The following KCNJ15 variants were observed in gnomAD, a reference collection of about 807,000 sequenced individuals.
The protein encoded by KCNJ15 is ATP-sensitive inward rectifier potassium channel 15.
In KCNJ15, 14 loss-of-function variants were observed where a neutral mutation model predicts 23.0. The observed-to-expected ratio is 0.61, with a 90% CI of 0.40 to 0.95. The LOEUF is 0.95. Ranked by LOEUF, KCNJ15 falls within the 40% of genes least tolerant of loss-of-function variation. The pLI, the probability that KCNJ15 is intolerant of heterozygous loss-of-function variation, is 0.00. For missense variants in KCNJ15, 388 were observed against 461.8 expected, an observed-to-expected ratio of 0.84 and a Z score of 1.46; for synonymous variants, 185 against 183.2, an observed-to-expected ratio of 1.01 and a Z score of -0.08.
rs1185482872 is a variant in KCNJ15, at chr21:38,302,710, A to T, written c.*2321A>T. Reference sequence around the variant, plus strand: ...TTTCACAGTATTCATATCAATGCTAATTTGAATGTGATGCCAATTAAAAAT... The same window carrying T: ...TTTCACAGTATTCATATCAATGCTATTTTGAATGTGATGCCAATTAAAAAT... On this transcript the variant is annotated 3_prime_UTR_variant, in exon 3 of 3. Transcript: ENST00000398938. 2.0e-5 allele frequency: 3 copies of T among 152,184 alleles called. No individual in the cohort carries two copies. Among genetic ancestry groups the T allele is most frequent in the African/African-American group, 7.2e-5 (3 of 41,440 alleles). 9.4% of individuals were successfully genotyped at this position (152,184 alleles called of 1,614,324 possible). A position where few individuals can be genotyped will look rare whatever the true frequency, so the allele number is the denominator to read the frequency against.
At chr21:38,261,084 AG>A (rs1980838400) in intron 1 of KCNJ15, among the ~76,000 whole-genome samples, 1 of 139,944 alleles carries the variant, frequency 7.1e-6, no homozygotes, top group African/African-American at 2.7e-5. Context: ...GGAACACTGC[AG>A]GGGAGGAATG....
intron 1 of KCNJ15, among the ~76,000 whole-genome samples, chr21:38,274,362 T>A (rs1046817879): frequency 6.6e-6 from 1 of 152,192 alleles, no homozygotes; most frequent in Admixed American, 6.5e-5. Context: ...TTTAGTAAGA[T>A]CACACTTCTC....
Position 38,299,338 on chromosome 21 carries a change from G to A in KCNJ15, c.77G>A (p.Arg26Lys). Residue 26 changes from arginine (R) to lysine (K), a missense_variant, in exon 3 of 3, where the codon AGA (arginine) becomes AAA (lysine). By Grantham distance (26) the Arg-to-Lys change is conservative. Coordinates refer to ENST00000398938, the MANE Select transcript of KCNJ15 (RefSeq NM_170736.3). The surrounding 1 kb of genome is among the most constrained non-coding windows in gnomAD (Gnocchi z 4.5). ...HTAGAGLKAN[R>K]PRVMSKSGHS... ...GCTGGGGCTGGGCTCAAGGCCAACA[G>A]ACCCCGCGTCATGTCCAAGAGTGGG... 6.2e-7 allele frequency: 1 copy of A among 1,614,190 alleles called. No homozygotes were observed. The highest frequency in any genetic ancestry group is 8.5e-7 in the Non-Finnish European group (1 of 1,180,020).
chr21:38,248,150 A>G (rs995846256), intron 1 of KCNJ15, among the ~76,000 whole-genome samples: 5 of 152,230 alleles, frequency 3.3e-5, no homozygotes, highest in African/African-American at 7.2e-5. Context: ...GCAGCACAGA[A>G]ATTATATCTG....
chr21:38,267,621 C>A (rs1019136570), intron 1 of KCNJ15, among the ~76,000 whole-genome samples: 4 of 152,048 alleles, frequency 2.6e-5, no homozygotes, highest in Non-Finnish European at 4.4e-5. Flanking sequence ...ACTCATATAT[C>A]AGAGAAGAGG....
chr21:38,245,225 TG>T (rs1323522857), intron 1 of KCNJ15, among the ~76,000 whole-genome samples: 1 of 152,054 alleles, frequency 6.6e-6, no homozygotes, highest in Middle Eastern at 3.2e-3. Flanking sequence ...GTCCTCTCTG[TG>T]TGGCCATATG....
At chr21:38,281,014 G>C (rs149707589) in intron 1 of KCNJ15, among the ~76,000 whole-genome samples, 9 of 152,286 alleles carry the variant, frequency 5.9e-5, no homozygotes, top group South Asian at 2.1e-4. Flanking sequence ...TTGCTATGCA[G>C]AGTGTGAGCT....
At position 38,268,550 on chromosome 21, in the gene KCNJ15, G is replaced by GAAAAAAAAA. The variant is rs576709021; in HGVS notation, c.-117+11384_-117+11392dup. 6.8e-4 allele frequency among the ~76,000 whole-genome samples: 32 copies of GAAAAAAAAA among 47,270 alleles called. 1 individual carries two copies. The highest frequency in any genetic ancestry group is 1.2e-3 in the Non-Finnish European group (23 of 19,680). 31.0% of individuals were successfully genotyped at this position (47,270 alleles called of 152,430 possible). A position where few individuals can be genotyped will look rare whatever the true frequency, so the allele number is the denominator to read the frequency against. On this transcript the variant is annotated intron_variant, in intron 1 of 2. Coordinates refer to ENST00000398938, the MANE Select transcript of KCNJ15 (RefSeq NM_170736.3). ...TATCTGACAAGAGTACTTAAAATCT[G>GAAAAAAAAA]AAAAAAAAAAAAAAAAAAAAAAAAA... is the stretch of plus-strand genomic sequence containing the variant.
intron 1 of KCNJ15, among the ~76,000 whole-genome samples, chr21:38,234,188 G>A (rs750535332): frequency 5.3e-5 from 8 of 152,164 alleles, no homozygotes; most frequent in Non-Finnish European, 8.8e-5. Flanking sequence ...TCCAACCTGC[G>A]GCCTGGGGAC....
At chr21:38,257,368 G>A (rs1688345282) in intron 1 of KCNJ15, among the ~76,000 whole-genome samples, 183 bp downstream of exon 1, 1 of 152,176 alleles carries the variant, frequency 6.6e-6, no homozygotes, top group South Asian at 2.1e-4. Flanking sequence ...TGGAAAACGG[G>A]ATTTTACTTA....
At chr21:38,245,624 GAGGA>G (rs978962229) in intron 1 of KCNJ15, among the ~76,000 whole-genome samples, 3 of 150,500 alleles carry the variant, frequency 2.0e-5, no homozygotes, top group Non-Finnish European at 4.4e-5. Flanking sequence ...AGGAAGGAGA[GAGGA>G]AGGAAGGGAA....
At chr21:38,251,091 T>G (rs1457623602) in intron 1 of KCNJ15, among the ~76,000 whole-genome samples, 1 of 152,198 alleles carries the variant, frequency 6.6e-6, no homozygotes, top group Non-Finnish European at 1.5e-5. Context: ...TGATGAATGA[T>G]CCGGCGAGGC....
At chr21:38,234,950 G>T (rs956086712) in intron 1 of KCNJ15, among the ~76,000 whole-genome samples, 1 of 152,188 alleles carries the variant, frequency 6.6e-6, no homozygotes, top group Non-Finnish European at 1.5e-5. Context: ...TGTCAGGCAG[G>T]TTGGGTGTGT....
chr21:38,250,596 C>T lies in KCNJ15; in HGVS notation c.-398-6450C>T, dbSNP rs1045190681. 5.9e-5 allele frequency among the ~76,000 whole-genome samples: 9 copies of T among 152,268 alleles called. No homozygotes were observed. The East Asian group carries it at 1.7e-3, about 29-fold the overall frequency. ...ACATGCTTCAGACAGTTTGATGGAA[C>T]TTGGTGATGAAGGACGTGCCGGAAT... On this transcript the variant is annotated intron_variant, in intron 1 of 4. Coordinates refer to the KCNJ15 transcript ENST00000547341.
rs79541983 is a variant in KCNJ15, at chr21:38,303,171, G to A, written c.*2782G>A. Reference sequence around the variant, plus strand: ...CTGGAACCTTAACTATTATTACTTTGTACGTAATACTTTCATGTTACTATG... The same window carrying A: ...CTGGAACCTTAACTATTATTACTTTATACGTAATACTTTCATGTTACTATG... On this transcript the variant is annotated 3_prime_UTR_variant, in exon 3 of 3. Transcript: ENST00000398938. The A allele has an allele frequency of 1.3e-4, 20 of 151,672 alleles. No homozygotes were observed. The East Asian group carries it at 3.9e-3, about 30-fold the overall frequency. 9.4% of individuals were successfully genotyped at this position (151,672 alleles called of 1,614,324 possible). A position where few individuals can be genotyped will look rare whatever the true frequency, so the allele number is the denominator to read the frequency against.
In KCNJ15 at chr21:38,262,187, C is replaced by G. The variant is rs35163616; in HGVS notation, c.-117+5002C>G. Reference sequence around the variant, plus strand: ...AGGACAAATTTGAAAAGTTTATCCTCTGCTTTGAAAGTTTATGAAATTTGT... The same window carrying G: ...AGGACAAATTTGAAAAGTTTATCCTGTGCTTTGAAAGTTTATGAAATTTGT... On this transcript the variant is annotated intron_variant, in intron 1 of 2. Coordinates refer to ENST00000398938, the MANE Select transcript of KCNJ15 (RefSeq NM_170736.3). Among the ~76,000 whole-genome samples the G allele has an allele frequency of 8.0e-3, 1,213 of 152,298 alleles. 7 individuals carry two copies. Among genetic ancestry groups the G allele is most frequent in the Non-Finnish European group, 0.014 (925 of 68,034 alleles).
intron 1 of KCNJ15, among the ~76,000 whole-genome samples, chr21:38,274,151 C>T (rs774632027): frequency 6.6e-6 from 1 of 152,194 alleles, no homozygotes; most frequent in Non-Finnish European, 1.5e-5. Flanking sequence ...CAGGCTGTTC[C>T]GCCTGGGCAA....
At chr21:38,260,896 G>C (rs770087019) in intron 1 of KCNJ15, among the ~76,000 whole-genome samples, 7 of 152,164 alleles carry the variant, frequency 4.6e-5, no homozygotes, top group Non-Finnish European at 1.0e-4. Context: ...CATAGAACCA[G>C]CCAAGCAGGG....
At chr21:38,278,792 C>G (rs1185396281) in intron 1 of KCNJ15, among the ~76,000 whole-genome samples, 2 of 152,262 alleles carry the variant, frequency 1.3e-5, no homozygotes, top group Admixed American at 1.3e-4. Context: ...CATGACCTGA[C>G]CAGGTAACAA....
Sources: allele counts gnomAD v4.1 joint callset (sites outside exome capture counted in the v4.1 genomes callset), GRCh38; gene constraint gnomAD v4.1.1; non-coding constraint Gnocchi (gnomAD v3.1); transcripts MANE v1.5; gene names NCBI Gene and HGNC (gene_info 2026-07-23, HGNC 2026-07-21).